VRK2: variants seen among roughly 807,000 people sequenced by gnomAD.
VRK2 encodes the protein serine/threonine-protein kinase VRK2.
VRK2 carries 60 observed loss-of-function variants against 57.6 expected under a neutral mutation model. The observed-to-expected ratio is 1.04, with a 90% CI of 0.85 to 1.29. The LOEUF (loss-of-function observed/expected upper bound fraction) is 1.29, where lower values mean the gene tolerates loss of function less well. Among genes scored for constraint, VRK2 ranks in the 50% most tolerant of loss-of-function variants. VRK2 has a pLI of 0.00. For missense variants in VRK2, 705 were observed against 588.1 expected (o/e 1.20, Z -2.06); for synonymous variants, 231 against 199.2 (o/e 1.16, Z -1.35).
intron 9 of VRK2, among the ~76,000 whole-genome samples, chr2:58,132,884 C>T (rs1679423111): frequency 6.6e-6 from 1 of 152,068 alleles, no homozygotes; most frequent in East Asian, 1.9e-4. Flanking sequence ...AGTCCCTTAC[C>T]CAAAACTAAA....
chr2:58,025,612 C>T (rs1238298003), intron 1 of VRK2: 1 of 152,096 alleles, frequency 6.6e-6, no homozygotes, highest in Non-Finnish European at 1.5e-5. Flanking sequence ...ATCTTATTGT[C>T]TGACTTAGTT....
intron 1 of VRK2, among the ~76,000 whole-genome samples, chr2:57,931,753 T>C (rs1670732062): frequency 6.6e-6 from 1 of 152,114 alleles, no homozygotes; most frequent in Non-Finnish European, 1.5e-5. Context: ...AATCTTGTGC[T>C]TCAGTTCTCT....
At chr2:58,093,311 C>G (rs1210188269) in intron 7 of VRK2, among the ~76,000 whole-genome samples, 1 of 152,160 alleles carries the variant, frequency 6.6e-6, no homozygotes, top group African/African-American at 2.4e-5. Flanking sequence ...TTCTCCACAT[C>G]CTCTCCAGCG....
At chr2:58,003,163 G>A (rs1454292676) in intron 1 of VRK2, among the ~76,000 whole-genome samples, 5 of 152,066 alleles carry the variant, frequency 3.3e-5, no homozygotes, top group Non-Finnish European at 4.4e-5. Flanking sequence ...TTAAGTAAAT[G>A]TTACATTCTG....
chr2:57,989,629 T>C (rs1292533773), intron 1 of VRK2, among the ~76,000 whole-genome samples: 1 of 152,192 alleles, frequency 6.6e-6, no homozygotes, highest in African/African-American at 2.4e-5. Flanking sequence ...GTGCCACTGA[T>C]ATAATCAATA....
intron 1 of VRK2, among the ~76,000 whole-genome samples, chr2:57,939,000 AG>A (rs1416009189): frequency 6.6e-6 from 1 of 152,232 alleles, no homozygotes. Context: ...TGAGCAACAC[AG>A]GCAGTTCAAA....
chr2:57,927,763 C>G (rs372636077), intron 1 of VRK2, among the ~76,000 whole-genome samples: 1 of 151,970 alleles, frequency 6.6e-6, no homozygotes, highest in Admixed American at 6.6e-5. Flanking sequence ...GGTCTGGGAA[C>G]GTCTTTATTT....
chr2:58,013,631 G>A (rs1489685042), intron 1 of VRK2, among the ~76,000 whole-genome samples: 2 of 152,088 alleles, frequency 1.3e-5, no homozygotes, highest in African/African-American at 4.8e-5. Flanking sequence ...CAGCACTTTG[G>A]GAGGCCGAGG....
intron 2 of VRK2, among the ~76,000 whole-genome samples, chr2:58,029,718 G>A (rs1356546): frequency 6.6e-6 from 1 of 152,072 alleles, no homozygotes; most frequent in Non-Finnish European, 1.5e-5. Context: ...TTTTATATCA[G>A]AATGTCTTTG....
intron 1 of VRK2, among the ~76,000 whole-genome samples, chr2:57,999,872 G>C (rs143143768): frequency 6.6e-6 from 1 of 152,294 alleles, no homozygotes; most frequent in African/African-American, 2.4e-5. Context: ...TAGCCAGTTA[G>C]TGGCTCATGC....
At chr2:57,936,452 C>G (rs1380355012) in intron 1 of VRK2, among the ~76,000 whole-genome samples, 1 of 151,980 alleles carries the variant, frequency 6.6e-6, no homozygotes. Flanking sequence ...TAGAGAATTC[C>G]ACATTAGTGA....
rs150081599 is a variant in VRK2 at position 57,947,280 on chromosome 2, A to T, written c.-439+39441A>T. 3.0e-3 allele frequency among the ~76,000 whole-genome samples: 462 copies of T among 152,268 alleles called. 2 individuals are homozygous for T. Among genetic ancestry groups the T allele is most frequent in the African/African-American group, 0.011 (443 of 41,556 alleles). On this transcript the variant is annotated intron_variant, in intron 1 of 15. Transcript: ENST00000417641. ...TTTAAAAATGCAACTCTATAGAATG[A>T]TTCCCTTCAGGAATATATTAATATT...
At chr2:58,020,333 C>T (rs1474233419) in intron 1 of VRK2, among the ~76,000 whole-genome samples, 1 of 152,130 alleles carries the variant, frequency 6.6e-6, no homozygotes, top group African/African-American at 2.4e-5. Flanking sequence ...AGCCTCCTAC[C>T]TAACTCTGAC....
At chr2:58,054,760 A>T (rs551041021) in intron 2 of VRK2, among the ~76,000 whole-genome samples, 1 of 152,274 alleles carries the variant, frequency 6.6e-6, no homozygotes, top group East Asian at 1.9e-4. Context: ...TATACTACTT[A>T]GATACTTGAT....
Position 58,089,554 on chromosome 2 carries a change from T to C in VRK2, c.451-77T>C, listed in dbSNP as rs1032653505. 60 of 856,398 alleles carry C rather than the reference T, an allele frequency of 7.0e-5. No homozygotes were observed. In the Admixed American group the frequency reaches 1.6e-3, roughly 23 times the overall value. 53.0% of individuals were successfully genotyped at this position (856,398 alleles called of 1,614,324 possible). On this transcript the variant is annotated intron_variant, in intron 6 of 12. Transcript: ENST00000340157. Reference sequence around the variant, plus strand: ...TGTTAATATGAAAAAACCCATGTTATTCTATATTCAAAATGTTGAAATTGA... The same window carrying C: ...TGTTAATATGAAAAAACCCATGTTACTCTATATTCAAAATGTTGAAATTGA...
intron 1 of VRK2, among the ~76,000 whole-genome samples, chr2:57,916,823 CCAGTTT>C (rs1421767567): frequency 6.6e-6 from 1 of 152,030 alleles, no homozygotes; most frequent in Non-Finnish European, 1.5e-5. Flanking sequence ...ATTTCAAATT[CCAGTTT>C]CAACTCTTTG....
intron 11 of VRK2, among the ~76,000 whole-genome samples, chr2:58,143,941 CTGTT>C (rs764939659): frequency 4.6e-5 from 7 of 151,170 alleles, no homozygotes; most frequent in Admixed American, 6.6e-5. Context: ...TATATTGTGT[CTGTT>C]TGTGTATATA....
chr2:58,028,934 ATATATATATT>A (rs1558548590), intron 2 of VRK2, among the ~76,000 whole-genome samples: 1 of 128,736 alleles, frequency 7.8e-6, no homozygotes, highest in Non-Finnish European at 1.7e-5. Context: ...ATATATATAT[ATATATATATT>A]TAGAAGAGAA....
intron 1 of VRK2, among the ~76,000 whole-genome samples, chr2:57,938,720 T>C (rs562809069): frequency 2.0e-5 from 3 of 152,192 alleles, no homozygotes; most frequent in Admixed American, 6.6e-5. Flanking sequence ...TTGTCACATA[T>C]CTACATTCAA....
Sources: allele counts gnomAD v4.1 joint callset (sites outside exome capture counted in the v4.1 genomes callset), GRCh38; gene constraint gnomAD v4.1.1; transcripts MANE v1.5; gene names NCBI Gene and HGNC (gene_info 2026-07-23, HGNC 2026-07-21).